The following ADAMTSL1 variants were observed in gnomAD, a reference collection of about 807,000 sequenced individuals.
ADAMTSL1 encodes ADAMTS like 1, also known as ADAMTS-like protein 1.
ADAMTSL1 carries 126 observed loss-of-function variants against 201.8 expected under a neutral mutation model. That is an observed-to-expected ratio of 0.62 (90% CI 0.54 to 0.72). The LOEUF (loss-of-function observed/expected upper bound fraction) is 0.72. Ranked by LOEUF, ADAMTSL1 falls within the 30% of genes least tolerant of loss-of-function variation. The pLI is 0.00. For synonymous variants in ADAMTSL1, 1,121 were observed against 903.4 expected, an observed-to-expected ratio of 1.24 and a Z score of -4.32; for missense variants, 2,679 against 2,277.8, an observed-to-expected ratio of 1.18 and a Z score of -3.59.
rs544420346 is a variant in ADAMTSL1, at chr9:18,877,898, T to C, written c.4250-9933T>C. Among the ~76,000 whole-genome samples the C allele has an allele frequency of 9.9e-5, 15 of 152,198 alleles. No individual in the cohort carries two copies. The South Asian group carries it at 3.1e-3, about 32-fold the overall frequency. ...CGGTAGAGAAAGACCATCAGGTGGG[T>C]GCAGGGTTAGGCGTGTCTGAGCTCA... On this transcript the variant is annotated intron_variant, in intron 23 of 28. Coordinates refer to ENST00000380548, the MANE Select transcript of ADAMTSL1 (RefSeq NM_001040272.6).
chr9:18,519,324 A>T (rs1036825535), intron 2 of ADAMTSL1, among the ~76,000 whole-genome samples: 2 of 152,218 alleles, frequency 1.3e-5, no homozygotes, highest in African/African-American at 4.8e-5. Flanking sequence ...AGTTAAACAT[A>T]GGGTAAGAAC....
chr9:18,624,635 A>G (rs1056932821), intron 5 of ADAMTSL1, among the ~76,000 whole-genome samples: 1 of 152,150 alleles, frequency 6.6e-6, no homozygotes, highest in Non-Finnish European at 1.5e-5. Context: ...TCTTGTTCTC[A>G]TAGAGGATCT....
chr9:18,750,072 C>T (rs567527285), intron 15 of ADAMTSL1, among the ~76,000 whole-genome samples: 1 of 152,310 alleles, frequency 6.6e-6, no homozygotes, highest in East Asian at 1.9e-4. Context: ...AGAGGGTTCA[C>T]CAGCACTGGC....
Position 18,798,276 on chromosome 9 carries a change from G to T in ADAMTSL1, c.3805+2752G>T, listed in dbSNP as rs111580440. Among the ~76,000 whole-genome samples, 677 of 152,240 alleles carry T rather than the reference G, an allele frequency of 4.4e-3. 1 individual carries two copies. The highest frequency in any genetic ancestry group is 0.01 in the Middle Eastern group (3 of 294). On this transcript the variant is annotated intron_variant, in intron 20 of 28. Coordinates refer to ENST00000380548, the MANE Select transcript of ADAMTSL1 (RefSeq NM_001040272.6). ...AAAATCATGGGCTCTGGAGCCTTAG[G>T]GTCTAGGTCTGTATCCTGGCTCTGT...
intron 7 of ADAMTSL1, among the ~76,000 whole-genome samples, chr9:18,657,317 A>T (rs528224578): frequency 5.3e-5 from 8 of 152,236 alleles, no homozygotes; most frequent in Non-Finnish European, 1.0e-4. Context: ...TTTATCTATT[A>T]TACCAAAGAG....
At chr9:18,010,489 C>T (rs1006119390) in intron 1 of ADAMTSL1, among the ~76,000 whole-genome samples, 1 of 151,944 alleles carries the variant, frequency 6.6e-6, no homozygotes, top group Non-Finnish European at 1.5e-5. Flanking sequence ...GTTTTAAGGA[C>T]CTGTCAGAGT....
intron 2 of ADAMTSL1, among the ~76,000 whole-genome samples, chr9:18,243,106 A>G (rs892767697): frequency 1.2e-4 from 19 of 152,172 alleles, no homozygotes; most frequent in African/African-American, 4.6e-4. Context: ...TAGTAATCAA[A>G]ACAGTACGGT....
chr9:18,635,343 A>G (rs1827045558), intron 5 of ADAMTSL1, among the ~76,000 whole-genome samples: 1 of 152,180 alleles, frequency 6.6e-6, no homozygotes, highest in Admixed American at 6.5e-5. Context: ...TGGTTCAGTC[A>G]ATTTCTAAAA....
At chr9:17,951,409 T>C (rs1444735140) in intron 1 of ADAMTSL1, among the ~76,000 whole-genome samples, 1 of 152,150 alleles carries the variant, frequency 6.6e-6, no homozygotes, top group Non-Finnish European at 1.5e-5. Flanking sequence ...TATTGCCATC[T>C]TGTCCTCCCA....
intron 23 of ADAMTSL1, among the ~76,000 whole-genome samples, chr9:18,877,187 C>A (rs997436259): frequency 6.6e-6 from 1 of 152,148 alleles, no homozygotes; most frequent in Non-Finnish European, 1.5e-5. Context: ...ATTCACCTTT[C>A]TCTGGTGCCT....
chr9:18,510,210 G>T (rs578203075), intron 2 of ADAMTSL1, among the ~76,000 whole-genome samples: 1 of 152,238 alleles, frequency 6.6e-6, no homozygotes, highest in East Asian at 1.9e-4. Context: ...AAATGTAAAG[G>T]GAGGTAGATT....
At chr9:18,533,405 T>A in intron 3 of ADAMTSL1, 113 bp downstream of exon 3, 1 of 778,350 alleles carries the variant, frequency 1.3e-6, no homozygotes, top group Non-Finnish European at 2.0e-6. Flanking sequence ...ACTGAGAGTT[T>A]TTATCTCATA....
chr9:18,061,671 G>A (rs1380577806), intron 1 of ADAMTSL1, among the ~76,000 whole-genome samples: 1 of 152,154 alleles, frequency 6.6e-6, no homozygotes, highest in Non-Finnish European at 1.5e-5. Context: ...TATAAATATA[G>A]CATTCAGTAC....
At chr9:18,255,629 T>C (rs1831653087) in intron 2 of ADAMTSL1, among the ~76,000 whole-genome samples, 1 of 152,254 alleles carries the variant, frequency 6.6e-6, no homozygotes, top group Non-Finnish European at 1.5e-5. Flanking sequence ...ATCATAAATA[T>C]AGTGGTTTCC....
chr9:18,027,076 G>C (rs1341404820), intron 1 of ADAMTSL1, among the ~76,000 whole-genome samples: 1 of 149,898 alleles, frequency 6.7e-6, no homozygotes, highest in African/African-American at 2.4e-5. Flanking sequence ...ATTTCTGATT[G>C]TGCTATTTAG....
At chr9:18,220,599 T>C (rs1262904437) in intron 2 of ADAMTSL1, among the ~76,000 whole-genome samples, 1 of 152,116 alleles carries the variant, frequency 6.6e-6, no homozygotes, top group Non-Finnish European at 1.5e-5. Context: ...ACTTGTTGTG[T>C]AGTAGTTGTG....
At chr9:18,427,551 T>C (rs1032652954) in intron 2 of ADAMTSL1, among the ~76,000 whole-genome samples, 7 of 152,262 alleles carry the variant, frequency 4.6e-5, no homozygotes, top group Admixed American at 3.9e-4. Flanking sequence ...TTAATCATTT[T>C]CTGCAACTTG....
intron 15 of ADAMTSL1, among the ~76,000 whole-genome samples, chr9:18,746,797 C>T (rs1474365056): frequency 1.3e-5 from 2 of 151,406 alleles, no homozygotes; most frequent in Non-Finnish European, 2.9e-5. Context: ...AAAAAAATTC[C>T]TCCTTTTGTA....
intron 2 of ADAMTSL1, among the ~76,000 whole-genome samples, chr9:18,329,199 CT>C (rs1834940312): frequency 1.3e-5 from 2 of 152,156 alleles, no homozygotes. Context: ...AGATGGCCAT[CT>C]ATGAAGCAGG....
Sources: gnomAD v4.1 joint callset for allele counts (sites outside exome capture counted in the v4.1 genomes callset) on GRCh38, gnomAD v4.1.1 for gene constraint, MANE v1.5 for transcripts, NCBI Gene and HGNC (gene_info 2026-07-23, HGNC 2026-07-21) for gene names.